The following ABCA4 variants were observed in gnomAD, a reference collection of about 807,000 sequenced individuals.
ABCA4 encodes retinal-specific phospholipid-transporting ATPase ABCA4.
A neutral mutation model predicts 263.7 loss-of-function variants in ABCA4; 196 were observed. That is an observed-to-expected ratio of 0.74 (90% confidence interval 0.66 to 0.84). The LOEUF is 0.84. ABCA4 is among the 40% of genes least tolerant of loss of function. The pLI, the probability that ABCA4 is intolerant of heterozygous loss-of-function variation, is 0.00. For missense variants in ABCA4, 2,792 were observed against 2,855.1 expected (o/e 0.98, Z 0.50); for synonymous variants, 1,133 against 1,094.2 (o/e 1.04, Z -0.70).
At chr1:93,993,480 C>A (rs1012890108) in intron 49 of ABCA4, among the ~76,000 whole-genome samples, 1 of 151,946 alleles carries the variant, frequency 6.6e-6, no homozygotes, top group African/African-American at 2.4e-5. Context: ...GACACACATA[C>A]GAGATGTGTG....
chr1:94,033,520 C>G (rs371461620), intron 26 of ABCA4, among the ~76,000 whole-genome samples: 149 of 151,962 alleles, frequency 9.8e-4, no homozygotes, highest in Middle Eastern at 3.4e-3. Flanking sequence ...GAAACCATTG[C>G]AAGTTGTCGG....
intron 38 of ABCA4, among the ~76,000 whole-genome samples, chr1:94,013,509 A>T (rs1338554890): frequency 6.6e-6 from 1 of 152,102 alleles, no homozygotes; most frequent in Non-Finnish European, 1.5e-5. Context: ...TGAGGAGAGG[A>T]AAGGTTGAGG....
chr1:94,021,988 C>G (rs144190442), intron 32 of ABCA4, 37 bp from the exon 33 acceptor site: 1 of 1,552,000 alleles, frequency 6.4e-7, no homozygotes, highest in Non-Finnish European at 8.9e-7. Flanking sequence ...ACCAGGGCCA[C>G]GAACTTCACG....
rs759996549 is a variant in ABCA4 at position 94,001,047 on chromosome 1, A to G, written c.6341T>C (p.Val2114Ala). 1.9e-6 allele frequency: 3 copies of G among 1,614,154 alleles called. No individual in the cohort carries two copies. The part of the protein sequence containing the change: ...QARRMLWNVI[V>A]SIIREGRAVV... Reference sequence around the variant, plus strand: ...AGCCCTCCCTTCTCTGATGATGCTCACGATGACGTTCCACAGCATGCGGCG... The same window carrying G: ...AGCCCTCCCTTCTCTGATGATGCTCGCGATGACGTTCCACAGCATGCGGCG... The change falls in exon 46 of 50, where the codon GTG becomes GCG. Residue 2114 changes from valine to alanine, a missense_variant. Val to Ala is a moderately conservative substitution (Grantham distance 64, BLOSUM62 0). Coordinates refer to ENST00000370225, the MANE Select transcript of ABCA4 (RefSeq NM_000350.3).
intron 31 of ABCA4, 113 bp downstream of exon 31, chr1:94,024,841 A>G (rs1373532703): frequency 1.0e-6 from 1 of 963,806 alleles, no homozygotes; most frequent in Non-Finnish European, 1.6e-6. Context: ...TAAAAAAGAA[A>G]AAAATCTACT....
At chr1:94,085,585 T>G (rs1475968410) in intron 6 of ABCA4, among the ~76,000 whole-genome samples, 1 of 152,080 alleles carries the variant, frequency 6.6e-6, no homozygotes, top group Non-Finnish European at 1.5e-5. Flanking sequence ...TGCATTGTGG[T>G]CTGAGTTACC....
intron 35 of ABCA4, 138 bp from the exon 36 acceptor site, chr1:94,019,897 G>A: frequency 1.1e-6 from 1 of 888,574 alleles, no homozygotes; most frequent in Non-Finnish European, 1.8e-6. Flanking sequence ...CTACCTTGAA[G>A]CTGTCACTCC....
chr1:94,105,821 G>C (rs901964380), intron 4 of ABCA4, among the ~76,000 whole-genome samples: 3 of 152,168 alleles, frequency 2.0e-5, no homozygotes, highest in African/African-American at 7.2e-5. Flanking sequence ...GGTTTGCCAT[G>C]AAAGAAAACC....
intron 40 of ABCA4, 147 bp downstream of exon 40, chr1:94,010,653 G>T: frequency 8.6e-7 from 1 of 1,158,378 alleles, no homozygotes; most frequent in Non-Finnish European, 1.3e-6. Context: ...TCCTCTACTT[G>T]TATTATTGGA....
intron 31 of ABCA4, 147 bp from the exon 32 acceptor site, chr1:94,023,565 G>A (rs1040319279): frequency 1.5e-5 from 11 of 725,984 alleles, no homozygotes; most frequent in East Asian, 8.1e-5. Flanking sequence ...TGCGGAAGCC[G>A]CCCAGCCCTG....
intron 36 of ABCA4, among the ~76,000 whole-genome samples, chr1:94,018,205 AC>A (rs1414699115): frequency 1.4e-5 from 2 of 147,380 alleles, no homozygotes; most frequent in African/African-American, 4.9e-5. Flanking sequence ...GTGCGTGCAC[AC>A]ATACACACAC....
chr1:94,056,485 A>T, intron 15 of ABCA4, 116 bp downstream of exon 15: 1 of 1,160,578 alleles, frequency 8.6e-7, no homozygotes, highest in Non-Finnish European at 1.3e-6. Flanking sequence ...TGAACTTTTT[A>T]ACCTTAGGTC....
Position 94,041,249 on chromosome 1 carries a change from C to G in ABCA4, c.3482G>C (p.Arg1161Pro). 1.2e-6 allele frequency: 2 copies of G among 1,614,156 alleles called. No homozygotes were observed. Among genetic ancestry groups the G allele is most frequent in the South Asian group, 1.1e-5 (1 of 91,080 alleles). Reference protein sequence around the residue: ...FGTGLYLTLVRKMKNIQSQRK... With the variant: ...FGTGLYLTLVPKMKNIQSQRK... ...TTGGCTCTGGATGTTTTTCATCTTG[C>G]GCACCAAGGTTAAGTACAAGCCTGT... Residue 1161 changes from arginine to proline, a missense_variant, in exon 23 of 50, where the codon CGC becomes CCC. Arg to Pro is a moderately radical substitution (Grantham distance 103). Transcript: ENST00000370225.
Position 94,043,413 on chromosome 1 carries a change from G to A in ABCA4, c.3113C>T (p.Ala1038Val), listed in dbSNP as rs61751374. Residue 1038 changes from alanine to valine, a missense_variant, in exon 21 of 50, where the codon GCC becomes GTC. By Grantham distance (64) the Ala-to-Val change is moderately conservative. Coordinates refer to ENST00000370225, the MANE Select transcript of ABCA4 (RefSeq NM_000350.3). Reference protein sequence around the residue: ...AQLKGKSQEEAQLEMEAMLED... With the variant: ...AQLKGKSQEEVQLEMEAMLED... ...CAACATGGCTTCCATCTCCAGCTGG[G>A]CCTCCTCCTGGGACTTTCCTTTCAG... 2,983 of 1,614,144 alleles carry A rather than the reference G, an allele frequency of 1.8e-3. 7 individuals are homozygous for A. The highest frequency in any genetic ancestry group is 2.1e-3 in the Non-Finnish European group (2,423 of 1,180,038).
At chr1:94,114,372 A>G (rs1211057471) in intron 1 of ABCA4, among the ~76,000 whole-genome samples, 1 of 152,236 alleles carries the variant, frequency 6.6e-6, no homozygotes, top group Non-Finnish European at 1.5e-5. Context: ...GTGATTATGT[A>G]GCTGTAACTT....
intron 6 of ABCA4, among the ~76,000 whole-genome samples, chr1:94,084,419 G>A (rs1177569936): frequency 1.2e-4 from 19 of 152,174 alleles, no homozygotes; most frequent in Admixed American, 1.2e-3. Context: ...TGATCATTGG[G>A]CTGACCTAAC....
chr1:94,105,109 G>C (rs1026806902), intron 4 of ABCA4, among the ~76,000 whole-genome samples: 1 of 152,160 alleles, frequency 6.6e-6, no homozygotes, highest in African/African-American at 2.4e-5. Flanking sequence ...ACCTAGCAAT[G>C]CTGGGTGCAC....
chr1:94,001,477 G>A, intron 45 of ABCA4: 2 of 520,032 alleles, frequency 3.8e-6, no homozygotes, highest in Non-Finnish European at 7.2e-6. Flanking sequence ...TCCTTGGGCT[G>A]CGTGGGCATG....
At chr1:94,045,734 C>T (rs1337877282) in intron 19 of ABCA4, 1 of 456,202 alleles carries the variant, frequency 2.2e-6, no homozygotes, top group South Asian at 1.5e-5. Context: ...AGAATGGCAC[C>T]GGCCCCACAT....
Sources: gnomAD v4.1 joint callset for allele counts (sites outside exome capture counted in the v4.1 genomes callset) on GRCh38, gnomAD v4.1.1 for gene constraint, MANE v1.5 for transcripts, NCBI Gene and HGNC (gene_info 2026-07-23, HGNC 2026-07-21) for gene names.